The following SPG11 variants were observed in gnomAD, a reference collection of about 807,000 sequenced individuals.
SPG11 encodes spatacsin.
Under a neutral mutation model 274.0 loss-of-function variants are expected in SPG11, and 222 were observed. The observed-to-expected ratio is 0.81, with a 90% CI of 0.73 to 0.91. SPG11 has a LOEUF of 0.91. Ranked by LOEUF, SPG11 falls within the 40% of genes least tolerant of loss-of-function variation. The pLI, the probability that SPG11 is intolerant of heterozygous loss-of-function variation, is 0.00. For synonymous variants in SPG11, 1,144 were observed against 1,039.7 expected (o/e 1.10, Z -1.93); for missense variants, 3,114 against 2,872.7 (o/e 1.08, Z -1.92).
At chr15:44,564,032 T>C (rs1321307560) in intron 39 of SPG11, among the ~76,000 whole-genome samples, 2 of 152,202 alleles carry the variant, frequency 1.3e-5, no homozygotes, top group Admixed American at 1.3e-4. Context: ...TCACACTCTG[T>C]TGCCAGGCTG....
chr15:44,641,234 G>A (rs2084430201), intron 7 of SPG11, among the ~76,000 whole-genome samples: 1 of 152,062 alleles, frequency 6.6e-6, no homozygotes, highest in African/African-American at 2.4e-5. Context: ...GGCAGAGATT[G>A]CTGTGAGCTG....
At chr15:44,645,700 T>C (rs975782182) in intron 7 of SPG11, among the ~76,000 whole-genome samples, 1 of 152,082 alleles carries the variant, frequency 6.6e-6, no homozygotes, top group Non-Finnish European at 1.5e-5. Context: ...AGACAAAATA[T>C]TTGCAAACCA....
chr15:44,660,656 CAAT>C (rs748594913), intron 1 of SPG11, 40 bp from the exon 2 acceptor site: 1 of 1,588,638 alleles, frequency 6.3e-7, no homozygotes, highest in South Asian at 1.1e-5. Flanking sequence ...TCTATATCCG[CAAT>C]AATATTTACC....
intron 17 of SPG11, among the ~76,000 whole-genome samples, chr15:44,612,074 G>A (rs990901447): frequency 5.3e-5 from 8 of 152,164 alleles, no homozygotes; most frequent in Admixed American, 3.9e-4. Flanking sequence ...CTCTCAAAGT[G>A]CTGGGATTAC....
rs769488518 is a variant in SPG11, at chr15:44,596,090, C to A, written c.4427G>T (p.Cys1476Phe). The part of the protein sequence containing the change: ...QAPILSVLAS[C>F]LQGASAISCL... ...GCTTCTCATGATCCTCACCTGGAGA[C>A]ATGAGGCCAGAACACTGAGGATAGG... The change falls in exon 25 of 40, where the codon TGT becomes TTT. Residue 1476 changes from cysteine (C) to phenylalanine (F), a missense_variant. Cys to Phe is a radical substitution (Grantham distance 205). Transcript: ENST00000261866. 6.2e-7 allele frequency: 1 copy of A among 1,613,386 alleles called. No homozygotes were observed. Among genetic ancestry groups the A allele is most frequent in the South Asian group, 1.1e-5 (1 of 91,048 alleles).
Position 44,567,484 on chromosome 15 carries a change from C to T in SPG11, c.6694G>A (p.Gly2232Ser), listed in dbSNP as rs779461540. ...CGGGCAGCTGCCTCGTGGTTCTCGC[C>T]AATCTCCCGGCACATGCTGAAGCAC... is the stretch of plus-strand genomic sequence containing the variant. Reference protein sequence around the residue: ...ALCFSMCREIGENHEAAARIQ... With the variant: ...ALCFSMCREISENHEAAARIQ... The change falls in exon 36 of 40, where the codon GGC becomes AGC. Residue 2232 changes from glycine to serine, a missense_variant. Transcript: ENST00000261866. 1 of 1,614,064 alleles carries T rather than the reference C, an allele frequency of 6.2e-7. No individual in the cohort carries two copies. The highest frequency in any genetic ancestry group is 8.5e-7 in the Non-Finnish European group (1 of 1,180,002).
rs148692776 is a variant in SPG11, at chr15:44,631,440, T to C, written c.1736-2052A>G. Among the ~76,000 whole-genome samples the C allele has an allele frequency of 7.7e-4, 117 of 152,310 alleles. 2 individuals are homozygous for C. Among genetic ancestry groups the C allele is most frequent in the Middle Eastern group, 3.4e-3 (1 of 294 alleles). On this transcript the variant is annotated intron_variant, in intron 8 of 39. Transcript: ENST00000261866. ...AGATTAAAGATCTCAATTGGTTTTA[T>C]TGCAACTCTAGAATGTGGCAACACT...
chr15:44,600,487 C>G lies in SPG11; in HGVS notation c.3666G>C (p.Lys1222Asn). ...FGTFLVQELI[K>N]SKTPKQLIQQ... ...CTCACAGCTGCTTGGGAGTCTTGCT[C>G]TTGATTAATTCCTGGACCAGAAAAG... Residue 1222 changes from lysine (K) to asparagine (N), a missense_variant, in exon 21 of 40, where the codon AAG (lysine) becomes AAC (asparagine). Transcript: ENST00000261866. 6.2e-7 allele frequency: 1 copy of G among 1,614,060 alleles called. No homozygotes were observed. Among genetic ancestry groups the G allele is most frequent in the Non-Finnish European group, 8.5e-7 (1 of 1,179,998 alleles).
Position 44,563,302 on chromosome 15 carries a change from CTAGA to C in SPG11, c.7152-5_7152-2del. ...GTCAGTAGGCTGATGTTGTTTATAT[CTAGA>C]TAAAGAAACATAATGTACAGGTTAA... On this transcript the variant is annotated splice_acceptor_variant and splice_polypyrimidine_tract_variant and intron_variant, in intron 39 of 39. Transcript: ENST00000261866. LOFTEE classifies it high-confidence loss of function. 2 of 1,611,132 alleles carry C rather than the reference CTAGA, an allele frequency of 1.2e-6. No individual in the cohort carries two copies. The highest frequency in any genetic ancestry group is 1.7e-6 in the Non-Finnish European group (2 of 1,177,608).
rs952523785 is a variant in SPG11, at chr15:44,643,617, C to T, written c.1602+5249G>A. On this transcript the variant is annotated intron_variant, in intron 7 of 39. Coordinates refer to ENST00000261866, the MANE Select transcript of SPG11 (RefSeq NM_025137.4). ...TAAATCTGCACAATCTCAGATTAGG[C>T]AATGCTTTCTCAGATTCAACACCAA... Among the ~76,000 whole-genome samples the T allele has an allele frequency of 3.9e-5, 6 of 152,064 alleles. 1 individual carries two copies. The South Asian group carries it at 6.3e-4, about 16-fold the overall frequency.
Position 44,598,715 on chromosome 15 carries a change from C to A in SPG11, c.3808G>T (p.Val1270Phe). 1 of 1,614,184 alleles carries A rather than the reference C, an allele frequency of 6.2e-7. No homozygotes were observed. Among genetic ancestry groups the A allele is most frequent in the South Asian group, 1.1e-5 (1 of 91,080 alleles). ...LLGLDSLKLR[V>F]DMKVANIILS... ...ATTATATTGGCCACTTTCATATCAACTCTGAGCTTGAGGCTGTCAAGGCCA... is the reference window on the plus strand; with the variant it reads ...ATTATATTGGCCACTTTCATATCAAATCTGAGCTTGAGGCTGTCAAGGCCA... The change falls in exon 22 of 40, where the codon GTT (valine) becomes TTT (phenylalanine). Residue 1270 changes from valine to phenylalanine, a missense_variant. Physicochemically the swap from Val to Phe is conservative, Grantham distance 50. Coordinates refer to ENST00000261866, the MANE Select transcript of SPG11 (RefSeq NM_025137.4).
chr15:44,604,118 C>T (rs1174245054), intron 20 of SPG11: 2 of 437,568 alleles, frequency 4.6e-6, no homozygotes, highest in Admixed American at 5.2e-5. Context: ...CTCTTGTTTT[C>T]AAAGTTCAAA....
Position 44,660,759 on chromosome 15 carries a change from A to G in SPG11, c.258-143T>C. On this transcript the variant is annotated intron_variant, in intron 1 of 39. Coordinates refer to ENST00000261866, the MANE Select transcript of SPG11 (RefSeq NM_025137.4). Reference sequence around the variant, plus strand: ...TCTACACTTCAATCTAAGAGAACATAAACTGCTCTAGGACCTCCCTCCTCT... The same window carrying G: ...TCTACACTTCAATCTAAGAGAACATGAACTGCTCTAGGACCTCCCTCCTCT... 3.8e-6 allele frequency: 3 copies of G among 779,302 alleles called. No homozygotes were observed. In the East Asian group the frequency reaches 8.0e-5, roughly 21 times the overall value. The allele number at this position is 779,302 out of a possible 1,614,324, so 48.3% of individuals were successfully genotyped here. A position where few individuals can be genotyped will look rare whatever the true frequency, so the allele number is the denominator to read the frequency against.
At chr15:44,583,419 T>C (rs1595841817) in intron 30 of SPG11, among the ~76,000 whole-genome samples, 1 of 151,674 alleles carries the variant, frequency 6.6e-6, no homozygotes, top group Admixed American at 6.6e-5. Context: ...GACCACACCA[T>C]TGCACTCCAG....
Position 44,663,397 on chromosome 15 carries a change from A to G in SPG11, c.251T>C (p.Phe84Ser), listed in dbSNP as rs2085177672. 6.2e-7 allele frequency: 1 copy of G among 1,607,796 alleles called. No individual in the cohort carries two copies. Among genetic ancestry groups the G allele is most frequent in the Non-Finnish European group, 8.5e-7 (1 of 1,177,798 alleles). The part of the protein sequence containing the change: ...GGGRCCLEGP[F>S]WHFLWEDSRN... Reference sequence around the variant, plus strand: ...ACTCTCCCTCAGCACTTACTGCCAGAAGGGGCCCTCCAGGCAGCAGCGACC... The same window carrying G: ...ACTCTCCCTCAGCACTTACTGCCAGGAGGGGCCCTCCAGGCAGCAGCGACC... The change falls in exon 1 of 40, where the codon TTC becomes TCC. Residue 84 changes from phenylalanine to serine, a missense_variant. By Grantham distance (155) the Phe-to-Ser change is radical. Transcript: ENST00000261866.
intron 26 of SPG11, among the ~76,000 whole-genome samples, chr15:44,594,231 C>A (rs544424557): frequency 1.3e-5 from 2 of 151,336 alleles, no homozygotes; most frequent in South Asian, 4.2e-4. Context: ...TTGAGACCAG[C>A]CTGGCCAACA....
intron 4 of SPG11, 50 bp downstream of exon 4, chr15:44,657,045 T>G: frequency 6.5e-7 from 1 of 1,528,534 alleles, no homozygotes; most frequent in Non-Finnish European, 9.0e-7. Context: ...TTTAACCTCT[T>G]ATCAGTCTAA....
intron 30 of SPG11, among the ~76,000 whole-genome samples, chr15:44,583,130 C>T (rs1405346237): frequency 1.3e-5 from 2 of 152,176 alleles, no homozygotes; most frequent in Non-Finnish European, 2.9e-5. Flanking sequence ...GAGGAATCTA[C>T]AAGAAATCTC....
chr15:44,594,664 G>A (rs1366801960), intron 26 of SPG11, among the ~76,000 whole-genome samples: 1 of 151,316 alleles, frequency 6.6e-6, no homozygotes, highest in Admixed American at 6.6e-5. Context: ...CTGGGAGGCT[G>A]AGTTGGGAGG....
Sources: allele counts gnomAD v4.1 joint callset (sites outside exome capture counted in the v4.1 genomes callset), GRCh38; gene constraint gnomAD v4.1.1; transcripts MANE v1.5; gene names NCBI Gene and HGNC (gene_info 2026-07-23, HGNC 2026-07-21).